The following CSMD1 variants were observed in gnomAD, a reference collection of about 807,000 sequenced individuals.
CSMD1 encodes the protein CUB and sushi domain-containing protein 1.
CSMD1 carries 213 observed loss-of-function variants against 417.5 expected under a neutral mutation model. The observed-to-expected ratio is 0.51, with a 90% CI of 0.46 to 0.57. CSMD1 has a LOEUF of 0.57. CSMD1 is among the 20% of genes least tolerant of loss of function. CSMD1 has a pLI of 0.00. For missense variants in CSMD1, 6,923 were observed against 4,529.7 expected (o/e 1.53, Z -15.17); for synonymous variants, 2,862 against 1,736.8 (o/e 1.65, Z -16.11).
chr8:4,775,719 G>C (rs557739961), intron 1 of CSMD1, among the ~76,000 whole-genome samples: 1 of 152,318 alleles, frequency 6.6e-6, no homozygotes, highest in South Asian at 2.1e-4. Context: ...CCCACGTGGG[G>C]ATGGGATATC....
intron 3 of CSMD1, among the ~76,000 whole-genome samples, chr8:4,354,175 A>G (rs1801262319): frequency 6.6e-6 from 1 of 152,216 alleles, no homozygotes. Flanking sequence ...ATATTCCCAA[A>G]CAACATGTCC....
intron 48 of CSMD1, among the ~76,000 whole-genome samples, chr8:3,088,948 G>T (rs151255894): frequency 1.3e-5 from 2 of 151,872 alleles, no homozygotes; most frequent in African/African-American, 4.8e-5. Flanking sequence ...CAGGAAGTGA[G>T]ACCATGAGGC....
chr8:3,056,543 A>AT (rs937979367), intron 49 of CSMD1, among the ~76,000 whole-genome samples: 3 of 151,742 alleles, frequency 2.0e-5, no homozygotes, highest in Admixed American at 6.6e-5. Flanking sequence ...TATTTTTTGT[A>AT]TTTTTTTGGA....
rs7015423 is a variant in CSMD1 at position 3,142,511 on chromosome 8, A to G, written c.6195T>C (p.Tyr2065=). The G allele has an allele frequency of 0.013, 20,872 of 1,613,898 alleles. 2,118 individuals carry two copies. In the African/African-American group the frequency reaches 0.23, roughly 18 times the overall value. The change falls in exon 41 of 70, where the codon TAT becomes TAC. Residue 2065 remains tyrosine (Y), a synonymous_variant. Transcript: ENST00000635120. The part of the protein sequence containing the change: ...STTHETLIHF[Y]SDHSQNRQGF... The stretch of plus-strand genomic sequence containing the variant: ...CTTGCCGGTTTTGCGAATGGTCACT[A>G]TAAAAGTGGATGAGGGTTTCATGCG...
At chr8:3,126,209 G>T (rs1817500737) in intron 41 of CSMD1, among the ~76,000 whole-genome samples, 1 of 152,166 alleles carries the variant, frequency 6.6e-6, no homozygotes, top group African/African-American at 2.4e-5. Context: ...AAGGGCCACA[G>T]AATTAAATGG....
At chr8:4,955,080 G>C (rs545933608) in intron 1 of CSMD1, among the ~76,000 whole-genome samples, 1 of 152,056 alleles carries the variant, frequency 6.6e-6, no homozygotes, top group African/African-American at 2.4e-5. Flanking sequence ...ATAGGCTCTG[G>C]AACAATCGCT....
chr8:4,021,739 C>G (rs2059416115), intron 4 of CSMD1, among the ~76,000 whole-genome samples: 1 of 152,092 alleles, frequency 6.6e-6, no homozygotes, highest in Non-Finnish European at 1.5e-5. Context: ...CTTTACCTAT[C>G]CCCGTCCCCT....
chr8:3,709,680 G>GTTTTTTTTTGTTTTTTTTTTTTTTTTTT (rs1801388229), intron 6 of CSMD1, among the ~76,000 whole-genome samples: 1 of 33,694 alleles, frequency 3.0e-5, no homozygotes, highest in Non-Finnish European at 5.7e-5. Flanking sequence ...GCAGCAGCAT[G>GTTTTTTTTTGTTTTTTTTTTTTTTTTTT]TTTTTTTTTT....
chr8:3,219,682 T>A (rs1284209336), intron 28 of CSMD1, among the ~76,000 whole-genome samples: 1 of 152,178 alleles, frequency 6.6e-6, no homozygotes, highest in African/African-American at 2.4e-5. Context: ...TACAATATTA[T>A]TCTGACCACA....
intron 10 of CSMD1, among the ~76,000 whole-genome samples, chr8:3,558,540 G>T (rs967853432): frequency 8.1e-6 from 1 of 123,630 alleles, no homozygotes; most frequent in East Asian, 2.0e-4. Flanking sequence ...AACGATGAAC[G>T]GTGTCTCAAT....
At position 3,784,178 on chromosome 8, in the gene CSMD1, G is replaced by T. The variant is rs1023393231; in HGVS notation, c.819-30136C>A. ...GCATACATATAGTAGACATGTAAGT[G>T]TCACACCTTGGGAAAGGGGTGGGTA... On this transcript the variant is annotated intron_variant, in intron 5 of 69. Coordinates refer to ENST00000635120, the MANE Select transcript of CSMD1 (RefSeq NM_033225.6). Among the ~76,000 whole-genome samples, 9 of 152,234 alleles carry T rather than the reference G, an allele frequency of 5.9e-5. No homozygotes were observed. In the East Asian group the frequency reaches 1.7e-3, roughly 29 times the overall value.
chr8:4,085,591 G>A (rs148998174), intron 3 of CSMD1, among the ~76,000 whole-genome samples: 1 of 152,222 alleles, frequency 6.6e-6, no homozygotes, highest in Admixed American at 6.5e-5. Flanking sequence ...AACTATCGAC[G>A]CTTGCAACAA....
intron 37 of CSMD1, among the ~76,000 whole-genome samples, chr8:3,162,530 T>G (rs1396518908): frequency 6.6e-6 from 1 of 152,210 alleles, no homozygotes; most frequent in Non-Finnish European, 1.5e-5. Context: ...CAAAATTTGT[T>G]ACTTCCACAT....
intron 20 of CSMD1, among the ~76,000 whole-genome samples, chr8:3,366,514 C>G (rs915921215): frequency 6.6e-6 from 1 of 152,086 alleles, no homozygotes; most frequent in Non-Finnish European, 1.5e-5. Flanking sequence ...AAAGATGTTA[C>G]CTAACTTGGA....
At chr8:4,063,707 G>C (rs755623849) in intron 3 of CSMD1, among the ~76,000 whole-genome samples, 1 of 152,194 alleles carries the variant, frequency 6.6e-6, no homozygotes, top group Non-Finnish European at 1.5e-5. Context: ...TGCTACCTAA[G>C]TAAGGAGTCC....
chr8:4,902,738 A>T (rs1332281704), intron 1 of CSMD1, among the ~76,000 whole-genome samples: 1 of 152,064 alleles, frequency 6.6e-6, no homozygotes, highest in East Asian at 1.9e-4. Context: ...ATAAATGGAA[A>T]ATGTGTCTCC....
At chr8:3,796,471 T>C in intron 5 of CSMD1, among the ~76,000 whole-genome samples, 1 of 139,796 alleles carries the variant, frequency 7.2e-6, no homozygotes, top group Non-Finnish European at 1.5e-5. Flanking sequence ...CTATCATGTA[T>C]ATAGATATCT....
intron 5 of CSMD1, among the ~76,000 whole-genome samples, chr8:3,927,635 A>G (rs1809837364): frequency 6.6e-6 from 1 of 152,188 alleles, no homozygotes; most frequent in African/African-American, 2.4e-5. Context: ...ACTGAACTCC[A>G]CACTCGGCGA....
At chr8:3,241,430 C>T (rs529180246) in intron 26 of CSMD1, among the ~76,000 whole-genome samples, 16 of 152,240 alleles carry the variant, frequency 1.1e-4, no homozygotes, top group Admixed American at 2.0e-4. Flanking sequence ...TAAAGCTCGG[C>T]ATCTGTGTTG....
Sources: gnomAD v4.1 joint callset for allele counts (sites outside exome capture counted in the v4.1 genomes callset) on GRCh38, gnomAD v4.1.1 for gene constraint, MANE v1.5 for transcripts, NCBI Gene and HGNC (gene_info 2026-07-23, HGNC 2026-07-21) for gene names.